Variants in DLGAP1 observed in about 807,000 individuals in gnomAD.
DLGAP1 encodes disks large-associated protein 1.
DLGAP1 carries 11 observed loss-of-function variants against 90.8 expected under a neutral mutation model. That is an observed-to-expected ratio of 0.12 (90% CI 0.08 to 0.20). DLGAP1 has a LOEUF of 0.20. Ranked by LOEUF, DLGAP1 falls within the 10% of genes least tolerant of loss-of-function variation. DLGAP1 has a pLI of 1.00. For missense variants in DLGAP1, 1,050 were observed against 1,333.8 expected (o/e 0.79, Z 3.31); for synonymous variants, 558 against 540.7 (o/e 1.03, Z -0.44).
At chr18:4,061,714 T>C (rs551488139) in intron 2 of DLGAP1, among the ~76,000 whole-genome samples, 1 of 152,330 alleles carries the variant, frequency 6.6e-6, no homozygotes, top group Non-Finnish European at 1.5e-5. Context: ...GCAAAACTTC[T>C]ATAATTCTGA....
intron 6 of DLGAP1, among the ~76,000 whole-genome samples, chr18:3,735,166 T>C (rs7227603): frequency 0.085 from 13,000 of 152,230 alleles, 1,783 homozygotes; most frequent in African/African-American, 0.29. Context: ...AAAATAAGTA[T>C]AATAATACTT....
At chr18:3,839,411 T>A (rs2068581280) in intron 4 of DLGAP1, among the ~76,000 whole-genome samples, 1 of 152,146 alleles carries the variant, frequency 6.6e-6, no homozygotes, top group Non-Finnish European at 1.5e-5. Flanking sequence ...TGAAAATCAC[T>A]AGAAAATCCA....
chr18:3,994,239 G>A (rs977251051), intron 3 of DLGAP1, among the ~76,000 whole-genome samples: 1 of 152,152 alleles, frequency 6.6e-6, no homozygotes, highest in African/African-American at 2.4e-5. Flanking sequence ...CCCTGTGCTG[G>A]TGTTTCAGCA....
chr18:4,100,001 T>C lies in DLGAP1; in HGVS notation c.-159+51179A>G, dbSNP rs1466683282. 2.7e-5 allele frequency among the ~76,000 whole-genome samples: 4 copies of C among 147,628 alleles called. No homozygotes were observed. In the East Asian group the frequency reaches 6.1e-4, roughly 22 times the overall value. On this transcript the variant is annotated intron_variant, in intron 2 of 12. Coordinates refer to ENST00000315677, the MANE Select transcript of DLGAP1 (RefSeq NM_004746.4). ...CCAAAGTGCTGGGACTACAGGTGTATGCCACCATGCCTGGCTAATTTATTT... is the reference window on the plus strand; with the variant it reads ...CCAAAGTGCTGGGACTACAGGTGTACGCCACCATGCCTGGCTAATTTATTT...
chr18:3,905,088 C>A (rs556153345), intron 3 of DLGAP1, among the ~76,000 whole-genome samples: 25 of 151,626 alleles, frequency 1.6e-4, no homozygotes, highest in Non-Finnish European at 2.8e-4. Flanking sequence ...CCTGAATAGG[C>A]CGGGCATGGT....
rs1251093606 is a variant in DLGAP1, at chr18:4,454,939, G to A, written c.-267+67C>T. ...ACCGCGCGGCAGGCAGCAGCCAGGA[G>A]CCACCCAGCGCGCCGCGACCGCCGC... On this transcript the variant is annotated intron_variant, in intron 1 of 12. Transcript: ENST00000315677. This position sits in a 1 kb window ranked among gnomAD's most constrained non-coding sequence, Gnocchi z 4.7. The A allele has an allele frequency of 1.3e-5, 2 of 150,336 alleles. No individual in the cohort carries two copies. Among genetic ancestry groups the A allele is most frequent in the African/African-American group, 4.9e-5 (2 of 41,196 alleles). 9.3% of individuals were successfully genotyped at this position (150,336 alleles called of 1,614,324 possible). A position where few individuals can be genotyped will look rare whatever the true frequency, so the allele number is the denominator to read the frequency against.
intron 4 of DLGAP1, among the ~76,000 whole-genome samples, chr18:3,820,225 T>C (rs187650691): frequency 2.6e-5 from 4 of 152,214 alleles, no homozygotes; most frequent in Admixed American, 6.5e-5. Context: ...ACAAAAGGAA[T>C]GAAGACACTT....
At chr18:4,237,107 A>C (rs1290827637) in intron 1 of DLGAP1, among the ~76,000 whole-genome samples, 1 of 152,180 alleles carries the variant, frequency 6.6e-6, no homozygotes, top group Non-Finnish European at 1.5e-5. Context: ...GTTAGGACAG[A>C]GGGAAGTCGG....
intron 1 of DLGAP1, among the ~76,000 whole-genome samples, chr18:4,436,794 C>T (rs532132458): frequency 2.0e-5 from 3 of 152,298 alleles, no homozygotes; most frequent in African/African-American, 2.4e-5. Flanking sequence ...GCTATTCTCT[C>T]GACACCTAGG....
intron 1 of DLGAP1, among the ~76,000 whole-genome samples, chr18:4,193,648 C>T (rs1186072308): frequency 6.6e-6 from 1 of 152,148 alleles, no homozygotes; most frequent in African/African-American, 2.4e-5. Flanking sequence ...TAAATGGATA[C>T]ATTTTTTATG....
intron 4 of DLGAP1, among the ~76,000 whole-genome samples, chr18:3,862,557 G>A (rs2070138785): frequency 2.0e-5 from 3 of 152,208 alleles, no homozygotes; most frequent in Non-Finnish European, 4.4e-5. Flanking sequence ...GCACGTGGAG[G>A]GGACAGCGCC....
intron 5 of DLGAP1, among the ~76,000 whole-genome samples, chr18:3,763,212 G>A (rs2064052306): frequency 6.6e-6 from 1 of 152,198 alleles, no homozygotes; most frequent in Non-Finnish European, 1.5e-5. Flanking sequence ...AACGTGGAAA[G>A]ACTAGACTGG....
At chr18:3,761,362 T>G (rs1276753676) in intron 5 of DLGAP1, among the ~76,000 whole-genome samples, 1 of 152,220 alleles carries the variant, frequency 6.6e-6, no homozygotes, top group Non-Finnish European at 1.5e-5. Context: ...TGTGACTGTC[T>G]TATATTTCTC....
intron 1 of DLGAP1, among the ~76,000 whole-genome samples, chr18:4,320,256 G>A (rs1481797000): frequency 6.6e-6 from 1 of 152,182 alleles, no homozygotes; most frequent in Non-Finnish European, 1.5e-5. Context: ...GCTAAGGGAA[G>A]TGACCATAAC....
At chr18:4,333,991 C>A (rs1257929464) in intron 1 of DLGAP1, among the ~76,000 whole-genome samples, 3 of 151,508 alleles carry the variant, frequency 2.0e-5, no homozygotes, top group Non-Finnish European at 4.4e-5. Context: ...GTAATCCCAG[C>A]ACTTTGGGAG....
rs16946271 is a variant in DLGAP1 at position 4,209,994 on chromosome 18, A to G, written c.-266-58707T>C. Among the ~76,000 whole-genome samples, 857 of 152,260 alleles carry G rather than the reference A, an allele frequency of 5.6e-3. 8 individuals are homozygous for G. Among genetic ancestry groups the G allele is most frequent in the African/African-American group, 0.02 (813 of 41,548 alleles). On this transcript the variant is annotated intron_variant, in intron 1 of 12. Transcript: ENST00000315677. ...GAGCCATTATATGGTTTTTCATGGG[A>G]CTTGAACATGCCCTAATTCAGCTTA... is the stretch of plus-strand genomic sequence containing the variant.
At chr18:3,811,007 T>A (rs1013935477) in intron 5 of DLGAP1, among the ~76,000 whole-genome samples, 7 of 152,124 alleles carry the variant, frequency 4.6e-5, no homozygotes, top group Admixed American at 4.6e-4. Context: ...GGTTTTGCCA[T>A]GTTGCCCAGG....
chr18:3,558,178 A>G (rs1248659105), intron 9 of DLGAP1, among the ~76,000 whole-genome samples: 1 of 152,156 alleles, frequency 6.6e-6, no homozygotes, highest in Non-Finnish European at 1.5e-5. Flanking sequence ...TTATAATAGT[A>G]GATACATCTT....
At chr18:3,554,379 G>T (rs1219614887) in intron 9 of DLGAP1, among the ~76,000 whole-genome samples, 1 of 152,170 alleles carries the variant, frequency 6.6e-6, no homozygotes, top group Non-Finnish European at 1.5e-5. Context: ...AGGAATTGGG[G>T]GAAAACAGCT....
Sources: gnomAD v4.1 joint callset for allele counts (sites outside exome capture counted in the v4.1 genomes callset) on GRCh38, gnomAD v4.1.1 for gene constraint, Gnocchi (gnomAD v3.1) non-coding constraint, MANE v1.5 for transcripts, NCBI Gene and HGNC (gene_info 2026-07-23, HGNC 2026-07-21) for gene names.